Variants in CHIA observed in about 807,000 individuals in gnomAD.
CHIA encodes the protein chitinase acidic, also known as acidic mammalian chitinase.
CHIA carries 47 observed loss-of-function variants against 53.5 expected under a neutral mutation model. The observed-to-expected ratio is 0.88, with a 90% confidence interval of 0.70 to 1.12. The LOEUF is 1.12. CHIA is among the 50% of genes most tolerant of loss of function. The pLI is 0.00. For synonymous variants in CHIA, 268 were observed against 222.2 expected (o/e 1.21, Z -1.83); for missense variants, 652 against 592.2 (o/e 1.10, Z -1.05).
chr1:111,311,383 C>G (rs4839120), intron 2 of CHIA, among the ~76,000 whole-genome samples: 145,905 of 152,294 alleles, frequency 0.96, 70,200 homozygotes, highest in East Asian at 1. Flanking sequence ...TCATCATTGA[C>G]TACAGTGATC....
intron 1 of CHIA, among the ~76,000 whole-genome samples, chr1:111,304,533 A>G (rs1460395748): frequency 6.6e-6 from 1 of 152,162 alleles, no homozygotes; most frequent in Non-Finnish European, 1.5e-5. Flanking sequence ...GAACCTTTCT[A>G]GTAAGTTTTC....
chr1:111,299,483 A>G (rs191235598), intron 1 of CHIA, among the ~76,000 whole-genome samples: 132 of 152,338 alleles, frequency 8.7e-4, no homozygotes, highest in Non-Finnish European at 6.5e-4. Context: ...ACCAATGACA[A>G]AAACCATATG....
At position 111,320,441 on chromosome 1, in the gene CHIA, G is replaced by C. The variant is rs910434832; in HGVS notation, c.1406G>C (p.Ser469Thr). ...CAGGCCGGGCTTGTCTTCGACACCA[G>C]CTGTGATTGCTGCAACTGGGCATAA... ...NCQAGLVFDT[S>T]CDCCNWA Residue 469 changes from serine to threonine, a missense_variant, in exon 12 of 12, where the codon AGC becomes ACC. Coordinates refer to ENST00000369740, the MANE Select transcript of CHIA (RefSeq NM_201653.4). 6.2e-7 allele frequency: 1 copy of C among 1,614,012 alleles called. No homozygotes were observed. Among genetic ancestry groups the C allele is most frequent in the Non-Finnish European group, 8.5e-7 (1 of 1,179,968 alleles).
At chr1:111,304,619 G>A (rs1174987449) in intron 1 of CHIA, among the ~76,000 whole-genome samples, 1 of 151,950 alleles carries the variant, frequency 6.6e-6, no homozygotes, top group Non-Finnish European at 1.5e-5. Flanking sequence ...TCTTATTATT[G>A]AAATTTACAT....
At chr1:111,305,072 G>A (rs941966554) in intron 1 of CHIA, among the ~76,000 whole-genome samples, 1 of 152,024 alleles carries the variant, frequency 6.6e-6, no homozygotes, top group African/African-American at 2.4e-5. Context: ...TTGGGGTTTT[G>A]TTTTGTTGTT....
intron 1 of CHIA, among the ~76,000 whole-genome samples, chr1:111,300,344 A>C (rs532153321): frequency 1.3e-3 from 201 of 152,362 alleles, no homozygotes; most frequent in African/African-American, 4.6e-3. Flanking sequence ...CTACAAGGCT[A>C]CAGTAACCAA....
chr1:111,312,260 G>T lies in CHIA; in HGVS notation c.126G>T (p.Met42Ile). 6.2e-7 allele frequency: 1 copy of T among 1,614,124 alleles called. No homozygotes were observed. Among genetic ancestry groups the T allele is most frequent in the Non-Finnish European group, 8.5e-7 (1 of 1,179,998 alleles). The change falls in exon 4 of 12, where the codon ATG (methionine) becomes ATT (isoleucine). Residue 42 changes from methionine to isoleucine, a missense_variant. Coordinates refer to ENST00000369740, the MANE Select transcript of CHIA (RefSeq NM_201653.4). ...ACCGGCCAGGCCTGGGGCGCTTCAT[G>T]CCTGACAACATCGACCCCTGCCTCT... ...AQYRPGLGRF[M>I]PDNIDPCLCT...
At position 111,315,157 on chromosome 1, in the gene CHIA, T is replaced by G. The variant is rs1649046298; in HGVS notation, c.315-113T>G. The G allele has an allele frequency of 4.1e-6, 3 of 739,964 alleles. No individual in the cohort carries two copies. In the African/African-American group the frequency reaches 5.2e-5, roughly 13 times the overall value. 45.8% of individuals were successfully genotyped at this position (739,964 alleles called of 1,614,324 possible). A position where few individuals can be genotyped will look rare whatever the true frequency, so the allele number is the denominator to read the frequency against. On this transcript the variant is annotated intron_variant, in intron 5 of 11. Transcript: ENST00000369740. ...GGAGAAAACCAAGAACATGCTTTACTCTGGGCTGTGGGTCCTGATGAAGGG... is the reference window on the plus strand; with the variant it reads ...GGAGAAAACCAAGAACATGCTTTACGCTGGGCTGTGGGTCCTGATGAAGGG...
chr1:111,292,425 A>G (rs12410579), intron 1 of CHIA, among the ~76,000 whole-genome samples: 42,354 of 152,108 alleles, frequency 0.28, 6,206 homozygotes, highest in East Asian at 0.36. Flanking sequence ...TGCTGGACAG[A>G]TGTGGGAGAA....
intron 1 of CHIA, among the ~76,000 whole-genome samples, chr1:111,293,576 C>T (rs1020885053): frequency 6.6e-6 from 1 of 152,162 alleles, no homozygotes; most frequent in Non-Finnish European, 1.5e-5. Context: ...GATATACAAA[C>T]ATTTAAAATA....
intron 1 of CHIA, among the ~76,000 whole-genome samples, chr1:111,292,230 C>T (rs112546242): frequency 3.5e-4 from 53 of 152,132 alleles, no homozygotes; most frequent in Non-Finnish European, 4.6e-4. Flanking sequence ...ATTTAATTCT[C>T]ACAACAACCC....
At chr1:111,291,428 G>C (rs4838899) in intron 1 of CHIA, among the ~76,000 whole-genome samples, 118,149 of 151,950 alleles carry the variant, frequency 0.78, 46,120 homozygotes, top group East Asian at 0.99. Context: ...CTAAACACTG[G>C]ATGTTCTCAC....
intron 1 of CHIA, among the ~76,000 whole-genome samples, chr1:111,296,273 C>A (rs781452267): frequency 2.0e-5 from 3 of 152,226 alleles, no homozygotes; most frequent in Non-Finnish European, 4.4e-5. Context: ...GGGTCCCTGA[C>A]CCCTGTGTAG....
chr1:111,306,474 A>T (rs1197285092), intron 1 of CHIA, among the ~76,000 whole-genome samples: 1 of 152,222 alleles, frequency 6.6e-6, no homozygotes, highest in Non-Finnish European at 1.5e-5. Context: ...TAAGAGCTCA[A>T]ATTTAAAGGT....
chr1:111,320,064 T>C (rs1649531405), intron 11 of CHIA, 149 bp from the exon 12 acceptor site: 2 of 657,540 alleles, frequency 3.0e-6, no homozygotes, highest in Non-Finnish European at 2.7e-6. Context: ...CTCCTGAATA[T>C]GGAGCTACTT....
At chr1:111,313,535 T>C (rs112112973) in intron 4 of CHIA, among the ~76,000 whole-genome samples, 14 of 152,218 alleles carry the variant, frequency 9.2e-5, no homozygotes, top group East Asian at 1.9e-4. Flanking sequence ...ATTTCCTATA[T>C]ATTTTTGATA....
Position 111,319,447 on chromosome 1 carries a change from G to T in CHIA, c.1156G>T (p.Ala386Ser), listed in dbSNP as rs147768976. Residue 386 changes from alanine (A) to serine (S), a missense_variant, in exon 11 of 12, where the codon GCC (alanine) becomes TCC (serine). Coordinates refer to ENST00000369740, the MANE Select transcript of CHIA (RefSeq NM_201653.4). ...TCCCCTAATCTCCACCCTGAAGAAG[G>T]CCCTCGGCCTGCAGAGTGCAAGTAA... ...KFPLISTLKKALGLQSASCTA... is the reference protein window; with the variant it reads ...KFPLISTLKKSLGLQSASCTA... 9 of 1,614,046 alleles carry T rather than the reference G, an allele frequency of 5.6e-6. No individual in the cohort carries two copies. Among genetic ancestry groups the T allele is most frequent in the Middle Eastern group, 1.7e-4 (1 of 5,994 alleles).
At position 111,318,494 on chromosome 1, in the gene CHIA, A is replaced by T; in HGVS notation, c.731A>T (p.Asp244Val). The T allele has an allele frequency of 3.7e-6, 6 of 1,612,766 alleles. No individual in the cohort carries two copies. The highest frequency in any genetic ancestry group is 5.1e-6 in the Non-Finnish European group (6 of 1,179,122). The change falls in exon 9 of 12, where the codon GAT (aspartate) becomes GTT (valine). Residue 244 changes from aspartate to valine, a missense_variant and splice_region_variant. Transcript: ENST00000369740. ...DTGSNAYLNV[D>V]YVMNYWKDNG... is the part of the protein sequence containing the mutation. ...GTAACTAACCCACTGACATTGCAGG[A>T]TTATGTCATGAACTACTGGAAGGAC... is the stretch of plus-strand genomic sequence containing the variant.
At chr1:111,313,194 G>A (rs1648826173) in intron 4 of CHIA, among the ~76,000 whole-genome samples, 1 of 152,146 alleles carries the variant, frequency 6.6e-6, no homozygotes, top group South Asian at 2.1e-4. Context: ...GGATCATATG[G>A]TAGTTATTTC....
Sources: gnomAD v4.1 joint callset for allele counts (sites outside exome capture counted in the v4.1 genomes callset) on GRCh38, gnomAD v4.1.1 for gene constraint, MANE v1.5 for transcripts, NCBI Gene and HGNC (gene_info 2026-07-23, HGNC 2026-07-21) for gene names.